The following EPOR variants were observed in gnomAD, a reference collection of about 807,000 sequenced individuals.
EPOR encodes erythropoietin receptor.
In EPOR, 20 loss-of-function variants were observed where a neutral mutation model predicts 34.3. The observed-to-expected ratio is 0.58, with a 90% CI of 0.41 to 0.85. EPOR has a LOEUF of 0.85. Ranked by LOEUF, EPOR falls within the 40% of genes least tolerant of loss-of-function variation. The pLI is 0.00. For missense variants in EPOR, 601 were observed against 672.7 expected (o/e 0.89, Z 1.18); for synonymous variants, 312 against 299.0 (o/e 1.04, Z -0.45).
chr19:11,377,917 A>G lies in EPOR; in HGVS notation c.*67T>C, dbSNP rs758630505. 8.1e-6 allele frequency: 13 copies of G among 1,603,870 alleles called. No individual in the cohort carries two copies. The highest frequency in any genetic ancestry group is 1.0e-5 in the Non-Finnish European group (12 of 1,173,064). ...AGAGAGGCCTCGCCATCCCTGTTCC[A>G]TAAGTCTTGAGTCTGCACTGGTTCT... On this transcript the variant is annotated 3_prime_UTR_variant, in exon 8 of 8. Transcript: ENST00000222139.
rs749908751 is a variant in EPOR, at chr19:11,381,816, C to G, written c.461G>C (p.Arg154Pro). ...TACGTGGCCGCTCTCGTCAGCCAAC[C>G]GCGCCACCAGCCCCACGGGGGCGTC... ...LLDAPVGLVARLADESGHVVL... is the reference protein window; with the variant it reads ...LLDAPVGLVAPLADESGHVVL... Residue 154 changes from arginine to proline, a missense_variant, in exon 4 of 8, where the codon CGG becomes CCG. Coordinates refer to ENST00000222139, the MANE Select transcript of EPOR (RefSeq NM_000121.4). This position sits in a 1 kb window ranked among gnomAD's most constrained non-coding sequence, Gnocchi z 5.3. 11 of 1,613,934 alleles carry G rather than the reference C, an allele frequency of 6.8e-6. No homozygotes were observed. Among genetic ancestry groups the G allele is most frequent in the Middle Eastern group, 1.7e-4 (1 of 6,060 alleles).
rs1968360562 is a variant in EPOR at position 11,381,649 on chromosome 19, G to A, written c.585+43C>T. On this transcript the variant is annotated intron_variant, in intron 4 of 7. Transcript: ENST00000222139. This position sits in a 1 kb window ranked among gnomAD's most constrained non-coding sequence, Gnocchi z 5.3. ...CCTCGAGAGGCGTGGCTGGGCCGTA[G>A]TCAGTGGAGCTTTGGGGGCTGGGCC... is the stretch of plus-strand genomic sequence containing the variant. 1 of 1,565,312 alleles carries A rather than the reference G, an allele frequency of 6.4e-7. No homozygotes were observed. The highest frequency in any genetic ancestry group is 8.7e-7 in the Non-Finnish European group (1 of 1,154,352).
At position 11,383,614 on chromosome 19, in the gene EPOR, T is replaced by G. The variant is rs1299111341; in HGVS notation, c.116-382A>C. 4.3e-6 allele frequency: 1 copy of G among 234,088 alleles called. No homozygotes were observed. Among genetic ancestry groups the G allele is most frequent in the Non-Finnish European group, 8.4e-6 (1 of 118,526 alleles). 14.5% of individuals were successfully genotyped at this position (234,088 alleles called of 1,614,324 possible). A position where few individuals can be genotyped will look rare whatever the true frequency, so the allele number is the denominator to read the frequency against. On this transcript the variant is annotated intron_variant, in intron 1 of 7. Coordinates refer to ENST00000222139, the MANE Select transcript of EPOR (RefSeq NM_000121.4). The surrounding 1 kb of genome is among the most constrained non-coding windows in gnomAD (Gnocchi z 4.9). ...CCCCGGCAGGCTCCCCGCCAACCGATAGCGCCAACCGTGCCCCCCGCCTCC... is the reference window on the plus strand; with the variant it reads ...CCCCGGCAGGCTCCCCGCCAACCGAGAGCGCCAACCGTGCCCCCCGCCTCC...
chr19:11,382,776 G>T, intron 2 of EPOR: 1 of 1,286,292 alleles, frequency 7.8e-7, no homozygotes, highest in Non-Finnish European at 1.0e-6. Context: ...TTACAGGCAT[G>T]AGCCACTGCT....
Position 11,383,177 on chromosome 19 carries a change from C to A in EPOR, c.171G>T (p.Leu57Phe). 1.9e-6 allele frequency: 3 copies of A among 1,612,702 alleles called. No homozygotes were observed. The highest frequency in any genetic ancestry group is 1.7e-6 in the Non-Finnish European group (2 of 1,179,890). The change falls in exon 2 of 8, where the codon TTG becomes TTT. Residue 57 changes from leucine to phenylalanine, a missense_variant. Transcript: ENST00000222139. The surrounding 1 kb of genome is among the most constrained non-coding windows in gnomAD (Gnocchi z 4.9). ...CCTCCCAGAAACACACCAAGTCCTCCAACCGCTCGGTGAAGCACAGAAGCT... is the reference window on the plus strand; with the variant it reads ...CCTCCCAGAAACACACCAAGTCCTCAAACCGCTCGGTGAAGCACAGAAGCT... ...PEELLCFTER[L>F]EDLVCFWEEA... is the part of the protein sequence containing the mutation.
At chr19:11,380,622 T>C (rs985952861) in intron 6 of EPOR, among the ~76,000 whole-genome samples, 1 of 152,196 alleles carries the variant, frequency 6.6e-6, no homozygotes, top group African/African-American at 2.4e-5. Flanking sequence ...GTGATGACAC[T>C]GGGGAAAGGA....
intron 2 of EPOR, 92 bp from the exon 3 acceptor site, chr19:11,382,197 A>T (rs974112385): frequency 1.1e-5 from 12 of 1,054,846 alleles, no homozygotes; most frequent in Middle Eastern, 2.3e-4. Flanking sequence ...GTGTGACACA[A>T]GGTCTAGCCT....
At position 11,381,044 on chromosome 19, in the gene EPOR, C is replaced by T. The variant is rs1324815701; in HGVS notation, c.739+12G>A. The T allele has an allele frequency of 3.8e-6, 6 of 1,595,484 alleles. No individual in the cohort carries two copies. In the African/African-American group the frequency reaches 8.0e-5, roughly 21 times the overall value. ...GCCCTGGCTCCTCCTACACCCCCGCCTGGGGCCTCACCGCTAGGCGTCAGC... is the reference window on the plus strand; with the variant it reads ...GCCCTGGCTCCTCCTACACCCCCGCTTGGGGCCTCACCGCTAGGCGTCAGC... On this transcript the variant is annotated intron_variant, in intron 5 of 7. Transcript: ENST00000222139. The surrounding 1 kb of genome is among the most constrained non-coding windows in gnomAD (Gnocchi z 5.3).
At chr19:11,379,491 C>T (rs1968327489) in intron 6 of EPOR, among the ~76,000 whole-genome samples, 1 of 151,836 alleles carries the variant, frequency 6.6e-6, no homozygotes. Context: ...AGGAGAATCA[C>T]TTGAACCTGG....
chr19:11,378,220 G>T lies in EPOR; in HGVS notation c.1291C>A (p.Pro431Thr), dbSNP rs767592247. The T allele has an allele frequency of 6.2e-7, 1 of 1,614,128 alleles. No homozygotes were observed. The highest frequency in any genetic ancestry group is 8.5e-7 in the Non-Finnish European group (1 of 1,180,032). Reference sequence around the variant, plus strand: ...CATGGACGCAAGAGCTGGGAGCTGGGGTCCAGGATAGTGTACTCAAAGCTG... The same window carrying T: ...CATGGACGCAAGAGCTGGGAGCTGGTGTCCAGGATAGTGTACTCAAAGCTG... ...AASFEYTILD[P>T]SSQLLRPWTL... The change falls in exon 8 of 8, where the codon CCC (proline) becomes ACC (threonine). Residue 431 changes from proline (P) to threonine (T), a missense_variant. Transcript: ENST00000222139. This position sits in a 1 kb window ranked among gnomAD's most constrained non-coding sequence, Gnocchi z 5.3.
chr19:11,381,555 G>T lies in EPOR; in HGVS notation c.585+137C>A. The stretch of plus-strand genomic sequence containing the variant: ...GGGGGTGTGTCTGTGGGCGTGGAAC[G>T]GTCTTCAGCACCAGGGTAATGGGAT... On this transcript the variant is annotated intron_variant, in intron 4 of 7. Transcript: ENST00000222139. The surrounding 1 kb of genome is among the most constrained non-coding windows in gnomAD (Gnocchi z 5.3). 1.1e-6 allele frequency: 1 copy of T among 895,590 alleles called. No homozygotes were observed. The highest frequency in any genetic ancestry group is 1.7e-6 in the Non-Finnish European group (1 of 592,578). 55.5% of individuals were successfully genotyped at this position (895,590 alleles called of 1,614,324 possible).
At position 11,381,407 on chromosome 19, in the gene EPOR, A is replaced by T; in HGVS notation, c.586-198T>A. On this transcript the variant is annotated intron_variant, in intron 4 of 7. Transcript: ENST00000222139. This position sits in a 1 kb window ranked among gnomAD's most constrained non-coding sequence, Gnocchi z 5.3. ...AGAGTCTCTGGTACGAAAGGGCGGG[A>T]CCCGGGCAATTTAATATCTGGGCTA... is the stretch of plus-strand genomic sequence containing the variant. 1 of 705,804 alleles carries T rather than the reference A, an allele frequency of 1.4e-6. No homozygotes were observed. Among genetic ancestry groups the T allele is most frequent in the Non-Finnish European group, 2.4e-6 (1 of 425,366 alleles). The allele number at this position is 705,804 out of a possible 1,614,324, so 43.7% of individuals were successfully genotyped here.
chr19:11,382,923 C>A (rs1276906588), intron 2 of EPOR, 174 bp downstream of exon 2: 1 of 1,536,656 alleles, frequency 6.5e-7, no homozygotes, highest in African/African-American at 1.4e-5. Flanking sequence ...AGTGTTCGCG[C>A]CCCGGCCCAT....
Position 11,381,876 on chromosome 19 carries a change from G to C in EPOR, c.428-27C>G. On this transcript the variant is annotated intron_variant, in intron 3 of 7. Coordinates refer to ENST00000222139, the MANE Select transcript of EPOR (RefSeq NM_000121.4). The surrounding 1 kb of genome is among the most constrained non-coding windows in gnomAD (Gnocchi z 5.3). The stretch of plus-strand genomic sequence containing the variant: ...TGCAGGCATGGGGGTTGGTCAGGTG[G>C]GCGAGGACTGAGACCCTCTCCTCCG... 6.2e-7 allele frequency: 1 copy of C among 1,614,210 alleles called. No individual in the cohort carries two copies. The highest frequency in any genetic ancestry group is 8.5e-7 in the Non-Finnish European group (1 of 1,180,014).
Position 11,383,334 on chromosome 19 carries a change from A to C in EPOR, c.116-102T>G. 8.3e-7 allele frequency: 1 copy of C among 1,210,990 alleles called. No homozygotes were observed. The allele number at this position is 1,210,990 out of a possible 1,614,324, so 75.0% of individuals were successfully genotyped here. On this transcript the variant is annotated intron_variant, in intron 1 of 7. Coordinates refer to ENST00000222139, the MANE Select transcript of EPOR (RefSeq NM_000121.4). This position sits in a 1 kb window ranked among gnomAD's most constrained non-coding sequence, Gnocchi z 4.9. ...CGCAGCCTGGGCGGACCCGATAAGAAAAAAGCCCCGCCCTGCCATCTTCCC... is the reference window on the plus strand; with the variant it reads ...CGCAGCCTGGGCGGACCCGATAAGACAAAAGCCCCGCCCTGCCATCTTCCC...
rs1277062959 is a variant in EPOR, at chr19:11,384,238, C to T, written c.-31G>A. 1 of 1,394,400 alleles carries T rather than the reference C, an allele frequency of 7.2e-7. No individual in the cohort carries two copies. Among genetic ancestry groups the T allele is most frequent in the Non-Finnish European group, 9.9e-7 (1 of 1,014,858 alleles). 86.4% of individuals were successfully genotyped at this position (1,394,400 alleles called of 1,614,324 possible). A position where few individuals can be genotyped will look rare whatever the true frequency, so the allele number is the denominator to read the frequency against. On this transcript the variant is annotated 5_prime_UTR_variant, in exon 1 of 8. Coordinates refer to ENST00000222139, the MANE Select transcript of EPOR (RefSeq NM_000121.4). ...AGCCCCCGCCACGGGGAGCCCAGGG[C>T]TCCTGCCCCTCCGTCCCCCGCCCCC...
In EPOR at chr19:11,382,706, C is replaced by G. The variant is rs28707384; in HGVS notation, c.251+391G>C. 5.1e-5 allele frequency: 35 copies of G among 682,314 alleles called. 1 individual carries two copies. The highest frequency in any genetic ancestry group is 6.5e-5 in the Non-Finnish European group (31 of 476,594). The allele number at this position is 682,314 out of a possible 1,614,324, so 42.3% of individuals were successfully genotyped here. ...CGGGGATCTCGCTGTGTTGCCCAGG[C>G]TGGTCTTGAACTCCTGGGCTCAAGC... On this transcript the variant is annotated intron_variant, in intron 2 of 7. Transcript: ENST00000222139.
rs761106522 is a variant in EPOR, at chr19:11,377,881, C to T, written c.*103G>A. The T allele has an allele frequency of 4.7e-5, 68 of 1,436,708 alleles. No homozygotes were observed. Among genetic ancestry groups the T allele is most frequent in the Non-Finnish European group, 6.3e-5 (65 of 1,024,688 alleles). The allele number at this position is 1,436,708 out of a possible 1,614,324, so 89.0% of individuals were successfully genotyped here. On this transcript the variant is annotated 3_prime_UTR_variant, in exon 8 of 8. Transcript: ENST00000222139. Reference sequence around the variant, plus strand: ...ATTGGGCAGACAAAATCAGCAATGCCCCTGCTCCTGAGAGAGGCCTCGCCA... The same window carrying T: ...ATTGGGCAGACAAAATCAGCAATGCTCCTGCTCCTGAGAGAGGCCTCGCCA...
chr19:11,378,255 G>T lies in EPOR; in HGVS notation c.1256C>A (p.Ala419Asp), dbSNP rs749855912. 1.2e-6 allele frequency: 2 copies of T among 1,614,112 alleles called. No individual in the cohort carries two copies. The highest frequency in any genetic ancestry group is 1.7e-6 in the Non-Finnish European group (2 of 1,180,022). ...ALASKPSPEG[A>D]SAASFEYTIL... ...AGTGTACTCAAAGCTGGCAGCAGAG[G>T]CTCCCTCTGGGCTGGGCTTCGAGGC... The change falls in exon 8 of 8, where the codon GCC becomes GAC. Residue 419 changes from alanine to aspartate, a missense_variant. Ala to Asp is a moderately radical substitution (Grantham distance 126, BLOSUM62 -2). Coordinates refer to ENST00000222139, the MANE Select transcript of EPOR (RefSeq NM_000121.4). This position sits in a 1 kb window ranked among gnomAD's most constrained non-coding sequence, Gnocchi z 5.3.
Sources: gnomAD v4.1 joint callset for allele counts (sites outside exome capture counted in the v4.1 genomes callset) on GRCh38, gnomAD v4.1.1 for gene constraint, Gnocchi (gnomAD v3.1) non-coding constraint, MANE v1.5 for transcripts, NCBI Gene and HGNC (gene_info 2026-07-23, HGNC 2026-07-21) for gene names.